THRB: variants seen among roughly 807,000 people sequenced by gnomAD.
THRB encodes nuclear receptor subfamily 1 group A member 2.
In THRB, 12 loss-of-function variants were observed where a neutral mutation model predicts 47.8. The ratio of observed to expected loss-of-function variants is 0.25; its 90% CI spans 0.16 to 0.41. The LOEUF (loss-of-function observed/expected upper bound fraction) is 0.41. THRB is among the 10% of genes least tolerant of loss of function. The pLI is 1.00. For missense variants in THRB, 348 were observed against 589.2 expected (o/e 0.59, Z 4.24); for synonymous variants, 218 against 212.2 (o/e 1.03, Z -0.24).
chr3:24,481,837 T>TAAAAAAAAAAAAA (rs35810270), intron 1 of THRB, among the ~76,000 whole-genome samples: 1 of 118,934 alleles, frequency 8.4e-6, no homozygotes. Context: ...ATATGGACCA[T>TAAAAAAAAAAAAA]AAAAAAAAAA....
intron 1 of THRB, among the ~76,000 whole-genome samples, chr3:24,436,396 G>T (rs1224564480): frequency 6.6e-6 from 1 of 151,998 alleles, no homozygotes; most frequent in Admixed American, 6.6e-5. Context: ...AACAAGACAC[G>T]CCTCGATGCA....
chr3:24,489,874 T>C (rs983196520), intron 1 of THRB, among the ~76,000 whole-genome samples: 1 of 152,200 alleles, frequency 6.6e-6, no homozygotes, highest in Non-Finnish European at 1.5e-5. Flanking sequence ...GGAACTTAAA[T>C]TGGAGAATGA....
At chr3:24,323,746 T>G (rs1384145644) in intron 2 of THRB, among the ~76,000 whole-genome samples, 3 of 152,200 alleles carry the variant, frequency 2.0e-5, no homozygotes, top group Non-Finnish European at 4.4e-5. Context: ...TTGTAGAAAT[T>G]TATCTAAATA....
chr3:24,204,737 A>C (rs558723841), intron 4 of THRB, among the ~76,000 whole-genome samples: 1 of 152,360 alleles, frequency 6.6e-6, no homozygotes, highest in South Asian at 2.1e-4. Flanking sequence ...CCCATCACAA[A>C]GAAGCTAAAA....
rs2056530211 is a variant in THRB at position 24,297,295 on chromosome 3, C to G, written c.-112G>C. On this transcript the variant is annotated 5_prime_UTR_variant, in exon 3 of 11. Transcript: ENST00000646209. ...TTCAGTCTTCAAGACGTTTGTTTTT[C>G]TGCATTTCCTCTTCCTACAGTGAAG... The G allele has an allele frequency of 6.6e-6, 1 of 152,196 alleles. No individual in the cohort carries two copies. The highest frequency in any genetic ancestry group is 2.4e-5 in the African/African-American group (1 of 41,460). The allele number at this position is 152,196 out of a possible 1,614,324, so 9.4% of individuals were successfully genotyped here.
At chr3:24,403,558 C>T (rs1047003221) in intron 1 of THRB, among the ~76,000 whole-genome samples, 1 of 151,854 alleles carries the variant, frequency 6.6e-6, no homozygotes, top group Non-Finnish European at 1.5e-5. Context: ...TTGGTAAAAG[C>T]AGTAAGGAGT....
chr3:24,226,744 T>G (rs908243580), intron 4 of THRB, among the ~76,000 whole-genome samples: 1 of 152,294 alleles, frequency 6.6e-6, no homozygotes, highest in Non-Finnish European at 1.5e-5. Flanking sequence ...TGGACCACCC[T>G]GGGCTCTAGA....
intron 1 of THRB, among the ~76,000 whole-genome samples, chr3:24,467,753 T>C (rs13070535): frequency 0.11 from 16,974 of 152,208 alleles, 1,132 homozygotes; most frequent in Admixed American, 0.19. Flanking sequence ...TGTTGTTCCA[T>C]TCATATAGCC....
intron 2 of THRB, 124 bp from the exon 3 acceptor site, chr3:24,297,495 T>C (rs2056544054): frequency 6.6e-6 from 1 of 152,230 alleles, no homozygotes; most frequent in South Asian, 2.1e-4. Flanking sequence ...AAAAAGATGG[T>C]GATGACCCAG....
intron 1 of THRB, among the ~76,000 whole-genome samples, chr3:24,406,403 T>C (rs960252560): frequency 3.3e-5 from 5 of 151,834 alleles, no homozygotes; most frequent in African/African-American, 1.2e-4. Context: ...TTTTCTCATT[T>C]AACCTATTGA....
chr3:24,485,455 C>G (rs1697150320), intron 1 of THRB, among the ~76,000 whole-genome samples: 1 of 152,216 alleles, frequency 6.6e-6, no homozygotes, highest in South Asian at 2.1e-4. Context: ...GGCATCATCT[C>G]TCAGTGGACT....
At chr3:24,438,497 G>C (rs1319129711) in intron 1 of THRB, among the ~76,000 whole-genome samples, 1 of 133,784 alleles carries the variant, frequency 7.5e-6, no homozygotes, top group East Asian at 2.4e-4. Flanking sequence ...TTGTCAGAGA[G>C]AACAAAAAGG....
chr3:24,336,332 G>T (rs1432698649), intron 2 of THRB, among the ~76,000 whole-genome samples: 2 of 152,152 alleles, frequency 1.3e-5, no homozygotes, highest in African/African-American at 4.8e-5. Flanking sequence ...GGCAAGAGGA[G>T]GCACAAAGAC....
At chr3:24,356,763 A>T (rs1357472591) in intron 1 of THRB, among the ~76,000 whole-genome samples, 1 of 152,068 alleles carries the variant, frequency 6.6e-6, no homozygotes, top group Non-Finnish European at 1.5e-5. Context: ...GATGGTGAAA[A>T]CCATTTTCTA....
intron 1 of THRB, among the ~76,000 whole-genome samples, chr3:24,434,057 C>T (rs2125314382): frequency 6.6e-6 from 1 of 152,144 alleles, no homozygotes; most frequent in Non-Finnish European, 1.5e-5. Context: ...TATCTTGTAG[C>T]TAGTGTCTGA....
intron 4 of THRB, among the ~76,000 whole-genome samples, chr3:24,218,613 G>A (rs2046856455): frequency 6.6e-6 from 1 of 151,442 alleles, no homozygotes; most frequent in South Asian, 2.1e-4. Flanking sequence ...AAGTTAGTGA[G>A]TATCTACTAT....
At chr3:24,215,847 T>G (rs2046508908) in intron 4 of THRB, among the ~76,000 whole-genome samples, 1 of 152,168 alleles carries the variant, frequency 6.6e-6, no homozygotes, top group African/African-American at 2.4e-5. Flanking sequence ...TGCCTCTGTT[T>G]AGTGGAGAAA....
chr3:24,258,184 G>A (rs1294911330), intron 3 of THRB, among the ~76,000 whole-genome samples: 1 of 152,170 alleles, frequency 6.6e-6, no homozygotes, highest in African/African-American at 2.4e-5. Flanking sequence ...GGACTCATTT[G>A]GGGGAAGATG....
intron 2 of THRB, among the ~76,000 whole-genome samples, chr3:24,332,423 G>C (rs559021235): frequency 1.3e-5 from 2 of 152,134 alleles, no homozygotes; most frequent in Non-Finnish European, 2.9e-5. Flanking sequence ...TTCACTATGG[G>C]CAGCCCCAAA....
Sources: gnomAD v4.1 joint callset for allele counts (sites outside exome capture counted in the v4.1 genomes callset) on GRCh38, gnomAD v4.1.1 for gene constraint, MANE v1.5 for transcripts, NCBI Gene and HGNC (gene_info 2026-07-23, HGNC 2026-07-21) for gene names.